Variants in SGCD observed in about 807,000 individuals in gnomAD.
SGCD encodes the protein sarcoglycan delta.
In SGCD, 18 loss-of-function variants were observed where a neutral mutation model predicts 36.6. The ratio of observed to expected loss-of-function variants is 0.49; its 90% CI spans 0.34 to 0.73. The LOEUF is 0.73. Ranked by LOEUF, SGCD falls within the 30% of genes least tolerant of loss-of-function variation. SGCD has a pLI of 0.01. For missense variants in SGCD, 387 were observed against 346.7 expected, an observed-to-expected ratio of 1.12 and a Z score of -0.92; for synonymous variants, 133 against 130.6, an observed-to-expected ratio of 1.02 and a Z score of -0.12.
intron 7 of SGCD, among the ~76,000 whole-genome samples, chr5:156,647,740 G>C (rs918011162): frequency 1.3e-5 from 2 of 152,186 alleles, no homozygotes; most frequent in Non-Finnish European, 1.5e-5. Context: ...TGGGGTAAAA[G>C]GTTGCCCACT....
the SGCD span, among the ~76,000 whole-genome samples, chr5:155,809,525 A>G: frequency 6.6e-6 from 1 of 152,144 alleles, no homozygotes; most frequent in Non-Finnish European, 1.5e-5. Flanking sequence ...TGACTTTCTC[A>G]CCTTTCTAAT....
chr5:156,590,561 C>T (rs1760686472), intron 5 of SGCD, among the ~76,000 whole-genome samples: 1 of 152,158 alleles, frequency 6.6e-6, no homozygotes, highest in Non-Finnish European at 1.5e-5. Context: ...AAATTGCCTC[C>T]AGGAGGGTAA....
At chr5:156,360,563 G>A (rs544299033) in intron 3 of SGCD, among the ~76,000 whole-genome samples, 1 of 152,128 alleles carries the variant, frequency 6.6e-6, no homozygotes, top group South Asian at 2.1e-4. Flanking sequence ...GTCCACCTTT[G>A]AGTGCTGTCT....
At chr5:155,955,935 T>G (rs1365466922) in intron 1 of SGCD, among the ~76,000 whole-genome samples, 44 of 152,110 alleles carry the variant, frequency 2.9e-4, no homozygotes, top group Non-Finnish European at 1.6e-4. Flanking sequence ...CCGTAGGGAC[T>G]TAAATGTAAA....
chr5:156,383,146 T>C (rs1436472091), intron 3 of SGCD, among the ~76,000 whole-genome samples: 2 of 152,166 alleles, frequency 1.3e-5, no homozygotes, highest in Non-Finnish European at 2.9e-5. Context: ...CTGGGCCATG[T>C]GCTGTGTGGT....
intron 1 of SGCD, among the ~76,000 whole-genome samples, chr5:155,915,999 A>G (rs918082948): frequency 6.6e-6 from 1 of 152,176 alleles, no homozygotes; most frequent in African/African-American, 2.4e-5. Flanking sequence ...TGTAGGAGAA[A>G]AATACTTTAC....
chr5:156,695,666 C>T (rs1338024209), intron 7 of SGCD, among the ~76,000 whole-genome samples: 23 of 152,076 alleles, frequency 1.5e-4, no homozygotes, highest in Admixed American at 1.5e-3. Flanking sequence ...AGGCTCTACA[C>T]CAGAAATTGA....
chr5:155,839,589 G>A, the SGCD span, among the ~76,000 whole-genome samples: 1 of 152,094 alleles, frequency 6.6e-6, no homozygotes, highest in Admixed American at 6.5e-5. Flanking sequence ...ATTTTAAAAT[G>A]AATTAGTAAA....
At chr5:155,785,443 C>T in the SGCD span, among the ~76,000 whole-genome samples, 522 of 152,218 alleles carry the variant, frequency 3.4e-3, no homozygotes, top group African/African-American at 0.012. Flanking sequence ...ACAAAATCCT[C>T]TCTTCTAGCT....
At chr5:156,624,568 A>G (rs984264746) in intron 6 of SGCD, among the ~76,000 whole-genome samples, 2 of 152,136 alleles carry the variant, frequency 1.3e-5, no homozygotes, top group African/African-American at 4.8e-5. Context: ...GTGACAGAAC[A>G]AGACTCTGTC....
the SGCD span, among the ~76,000 whole-genome samples, chr5:155,864,957 C>T: frequency 6.6e-6 from 1 of 152,148 alleles, no homozygotes; most frequent in African/African-American, 2.4e-5. Context: ...CATAAGGAAG[C>T]ACATTTAACC....
chr5:155,934,269 T>C (rs1400640831), intron 1 of SGCD, among the ~76,000 whole-genome samples: 1 of 152,158 alleles, frequency 6.6e-6, no homozygotes, highest in East Asian at 1.9e-4. Flanking sequence ...TGAAAAGAAG[T>C]TGAGGATTTA....
intron 3 of SGCD, among the ~76,000 whole-genome samples, chr5:156,372,972 G>A (rs1770471122): frequency 6.6e-6 from 1 of 150,574 alleles, no homozygotes. Flanking sequence ...AATGAAGATG[G>A]CATTTCTCTA....
chr5:155,915,915 G>A (rs924595340), intron 1 of SGCD, among the ~76,000 whole-genome samples: 5 of 152,190 alleles, frequency 3.3e-5, no homozygotes, highest in African/African-American at 1.2e-4. Flanking sequence ...TGGGTACGAT[G>A]TACCAAAATT....
intron 3 of SGCD, among the ~76,000 whole-genome samples, chr5:156,133,210 G>A (rs1237473090): frequency 2.0e-5 from 3 of 152,322 alleles, no homozygotes; most frequent in South Asian, 2.1e-4. Context: ...CTTTGAGCAT[G>A]TGTGACAAAC....
chr5:156,043,355 A>AT (rs1055264043), intron 1 of SGCD, among the ~76,000 whole-genome samples: 1 of 152,138 alleles, frequency 6.6e-6, no homozygotes. Context: ...TCACATTGTT[A>AT]TTTTTTTATC....
chr5:156,102,140 T>C (rs1428003524), intron 1 of SGCD, among the ~76,000 whole-genome samples: 1 of 152,068 alleles, frequency 6.6e-6, no homozygotes, highest in African/African-American at 2.4e-5. Flanking sequence ...AATAAGAATG[T>C]TTCTGATTGA....
chr5:156,001,201 C>T (rs897250747), intron 1 of SGCD, among the ~76,000 whole-genome samples: 11 of 152,102 alleles, frequency 7.2e-5, no homozygotes, highest in Admixed American at 2.0e-4. Flanking sequence ...ATAGGCAGGT[C>T]GCTACAATTT....
At chr5:155,954,277 T>G (rs1031815219) in intron 1 of SGCD, among the ~76,000 whole-genome samples, 1 of 152,206 alleles carries the variant, frequency 6.6e-6, no homozygotes, top group Non-Finnish European at 1.5e-5. Flanking sequence ...TCTTGAACTT[T>G]GACTCCTGAA....
Sources: allele counts gnomAD v4.1 joint callset (sites outside exome capture counted in the v4.1 genomes callset), GRCh38; gene constraint gnomAD v4.1.1; transcripts MANE v1.5; gene names NCBI Gene and HGNC (gene_info 2026-07-23, HGNC 2026-07-21).